Variants in IL1RAPL2 observed in about 807,000 individuals in gnomAD.
The protein encoded by IL1RAPL2 is X-linked interleukin-1 receptor accessory protein-like 2.
IL1RAPL2 carries 3 observed loss-of-function variants against 44.1 expected under a neutral mutation model. The ratio of observed to expected loss-of-function variants is 0.07; its 90% CI spans 0.03 to 0.18. IL1RAPL2 has a LOEUF of 0.18. Among genes scored for constraint, IL1RAPL2 ranks in the 10% least tolerant of loss-of-function variants. The pLI is 1.00. For missense variants in IL1RAPL2, 391 were observed against 496.4 expected, an observed-to-expected ratio of 0.79 and a Z score of 2.02; for synonymous variants, 181 against 178.8, an observed-to-expected ratio of 1.01 and a Z score of -0.10.
intron 2 of IL1RAPL2, among the ~76,000 whole-genome samples, chrX:105,017,377 C>T (rs957860): frequency 9.0e-6 from 1 of 110,655 alleles, no homozygotes; most frequent in Non-Finnish European, 1.9e-5. Flanking sequence ...TTTTTATTAA[C>T]TGAAAATTAA....
chrX:105,485,121 T>C (rs2036256658), intron 6 of IL1RAPL2, among the ~76,000 whole-genome samples: 1 of 111,787 alleles, frequency 8.9e-6, no homozygotes, highest in Non-Finnish European at 1.9e-5. Flanking sequence ...TCTAGTATTC[T>C]AAATTTCTTC....
At chrX:104,675,228 G>T (rs1602674585) in intron 2 of IL1RAPL2, among the ~76,000 whole-genome samples, 1 of 110,682 alleles carries the variant, frequency 9.0e-6, no homozygotes, top group East Asian at 2.8e-4. Flanking sequence ...TTTCTCTTGT[G>T]GGCATTTAGT....
chrX:105,267,616 T>G, intron 5 of IL1RAPL2, 75 bp downstream of exon 5: 1 of 778,399 alleles, frequency 1.3e-6, no homozygotes, highest in Non-Finnish European at 1.8e-6. Flanking sequence ...AGAGTTTTGT[T>G]CAAAGAGTCA....
rs1420127356 is a variant in IL1RAPL2 at position 104,582,636 on chromosome X, CTT to C, written c.-20+15587_-20+15588del. ...TCTTTCTTTCTTTCTTTCTTTCTTT[CTT>C]TCTCTCTTTCTTTCTTTCTTTTTTT... On this transcript the variant is annotated intron_variant, in intron 1 of 10. Coordinates refer to ENST00000372582, the MANE Select transcript of IL1RAPL2 (RefSeq NM_017416.2). Among the ~76,000 whole-genome samples, 195 of 59,188 alleles carry C rather than the reference CTT, an allele frequency of 3.3e-3. 2 individuals are homozygous for C. Among genetic ancestry groups the C allele is most frequent in the African/African-American group, 0.013 (181 of 14,283 alleles). 51.4% of individuals were successfully genotyped at this position (59,188 alleles called of 115,157 possible). A position where few individuals can be genotyped will look rare whatever the true frequency, so the allele number is the denominator to read the frequency against.
intron 2 of IL1RAPL2, among the ~76,000 whole-genome samples, chrX:105,053,126 G>C (rs1417648457): frequency 2.7e-5 from 3 of 110,825 alleles, no homozygotes; most frequent in South Asian, 3.8e-4. Flanking sequence ...CCCCTCAGCT[G>C]TTTCTCATCA....
chrX:104,569,142 T>C (rs1393741603), intron 1 of IL1RAPL2, among the ~76,000 whole-genome samples: 2 of 112,308 alleles, frequency 1.8e-5, no homozygotes, highest in Non-Finnish European at 3.8e-5. Context: ...TTCTGCCCTA[T>C]AGGTCAAGGC....
chrX:104,823,207 C>T (rs1292700548), intron 2 of IL1RAPL2, among the ~76,000 whole-genome samples: 5 of 110,959 alleles, frequency 4.5e-5, no homozygotes, highest in African/African-American at 1.3e-4. Context: ...CCCACTAACT[C>T]GTCATCTAGC....
chrX:104,892,423 C>T (rs1360085081), intron 2 of IL1RAPL2, among the ~76,000 whole-genome samples: 3 of 111,552 alleles, frequency 2.7e-5, no homozygotes, highest in Admixed American at 1.9e-4. Flanking sequence ...TCTGTCTGCT[C>T]CTGGACTTTT....
intron 6 of IL1RAPL2, among the ~76,000 whole-genome samples, chrX:105,710,329 C>T (rs150911966): frequency 0.015 from 1,535 of 102,178 alleles, 32 homozygotes; most frequent in African/African-American, 0.052. Flanking sequence ...TCTTATCTCA[C>T]GGTCACTGTT....
chrX:105,513,837 AT>A (rs59879453), intron 6 of IL1RAPL2, among the ~76,000 whole-genome samples: 14,335 of 110,166 alleles, frequency 0.13, 2,321 homozygotes, highest in African/African-American at 0.45. Context: ...GACATGAAAT[AT>A]TTGCCCGTGC....
intron 5 of IL1RAPL2, among the ~76,000 whole-genome samples, chrX:105,479,197 G>T (rs185135848): frequency 1.8e-5 from 2 of 111,243 alleles, no homozygotes; most frequent in Admixed American, 9.6e-5. Flanking sequence ...CTCAATTCAG[G>T]TCCCTTCTTT....
intron 1 of IL1RAPL2, among the ~76,000 whole-genome samples, chrX:104,599,343 G>T (rs918908774): frequency 6.3e-5 from 7 of 111,135 alleles, no homozygotes; most frequent in Non-Finnish European, 1.1e-4. Flanking sequence ...CACTTCCTGG[G>T]CTCAAGTGAT....
At chrX:104,797,839 G>A (rs1932860283) in intron 2 of IL1RAPL2, among the ~76,000 whole-genome samples, 1 of 112,347 alleles carries the variant, frequency 8.9e-6, no homozygotes, top group African/African-American at 3.2e-5. Flanking sequence ...ATGTTACAGT[G>A]ATTCAACAAC....
chrX:104,978,055 C>G (rs769046519), intron 2 of IL1RAPL2, among the ~76,000 whole-genome samples: 1 of 111,447 alleles, frequency 9.0e-6, no homozygotes, highest in Admixed American at 9.6e-5. Flanking sequence ...GTCCAGAACC[C>G]AAGCCCCACC....
chrX:105,673,781 A>G (rs2037844461), intron 6 of IL1RAPL2, among the ~76,000 whole-genome samples: 1 of 111,979 alleles, frequency 8.9e-6, no homozygotes, highest in South Asian at 3.7e-4. Context: ...TTACATTCCC[A>G]CCAACAGTGT....
intron 5 of IL1RAPL2, among the ~76,000 whole-genome samples, chrX:105,310,900 A>C (rs1037906659): frequency 2.7e-5 from 3 of 111,708 alleles, no homozygotes; most frequent in African/African-American, 9.7e-5. Context: ...ACCAATGCAG[A>C]AAAAGGAATG....
At chrX:105,510,221 A>G (rs1056720270) in intron 6 of IL1RAPL2, among the ~76,000 whole-genome samples, 1 of 111,371 alleles carries the variant, frequency 9.0e-6, no homozygotes, top group African/African-American at 3.3e-5. Context: ...ATATCATATA[A>G]TAAAGAAACT....
chrX:104,621,810 G>C (rs1465544341), intron 1 of IL1RAPL2, among the ~76,000 whole-genome samples: 1 of 111,787 alleles, frequency 8.9e-6, no homozygotes, highest in Non-Finnish European at 1.9e-5. Flanking sequence ...GTAGCAAGAT[G>C]GACTATGAAC....
chrX:105,373,430 TAC>T (rs1438811156), intron 5 of IL1RAPL2, among the ~76,000 whole-genome samples: 5 of 112,096 alleles, frequency 4.5e-5, no homozygotes, highest in African/African-American at 1.6e-4. Context: ...TTTTCTTTGA[TAC>T]ACAGTTTGCA....
Sources: gnomAD v4.1 joint callset for allele counts (sites outside exome capture counted in the v4.1 genomes callset) on GRCh38, gnomAD v4.1.1 for gene constraint, MANE v1.5 for transcripts, NCBI Gene and HGNC (gene_info 2026-07-23, HGNC 2026-07-21) for gene names.